The following NAALADL2 variants were observed in gnomAD, a reference collection of about 807,000 sequenced individuals.
NAALADL2 encodes the protein inactive N-acetylated-alpha-linked acidic dipeptidase-like protein 2.
A neutral mutation model predicts 87.2 loss-of-function variants in NAALADL2; 76 were observed. The ratio of observed to expected loss-of-function variants is 0.87; its 90% confidence interval spans 0.72 to 1.05. NAALADL2 has a LOEUF of 1.05. Ranked by LOEUF, NAALADL2 falls within the 50% of genes least tolerant of loss-of-function variation. The probability of loss-of-function intolerance (pLI) is 0.00; values close to 1 mark genes in which losing one functional copy is unlikely to be tolerated. For missense variants in NAALADL2, 1,089 were observed against 945.8 expected, an observed-to-expected ratio of 1.15 and a Z score of -1.99; for synonymous variants, 354 against 331.0, an observed-to-expected ratio of 1.07 and a Z score of -0.75.
At chr3:174,486,642 A>AT (rs1717877489) in intron 1 of NAALADL2, among the ~76,000 whole-genome samples, 1 of 151,790 alleles carries the variant, frequency 6.6e-6, no homozygotes, top group African/African-American at 2.4e-5. Flanking sequence ...GGAGTTGTTG[A>AT]TTTTTCAGTT....
intron 1 of NAALADL2, among the ~76,000 whole-genome samples, chr3:174,897,534 G>A (rs1031935485): frequency 2.0e-5 from 3 of 152,168 alleles, no homozygotes; most frequent in Non-Finnish European, 2.9e-5. Context: ...TGGCAAGGAT[G>A]TGGAGAAACA....
intron 13 of NAALADL2, among the ~76,000 whole-genome samples, chr3:175,801,232 T>C (rs1019102888): frequency 1.3e-5 from 2 of 152,274 alleles, no homozygotes; most frequent in South Asian, 2.1e-4. Flanking sequence ...AGGCTCTACA[T>C]TACAACCAAC....
intron 3 of NAALADL2, among the ~76,000 whole-genome samples, chr3:174,763,141 TA>T (rs11391398): frequency 1.0e-4 from 15 of 148,466 alleles, no homozygotes; most frequent in Non-Finnish European, 1.6e-4. Flanking sequence ...CTTATTTTAC[TA>T]AAAAAAAAAG....
intron 2 of NAALADL2, among the ~76,000 whole-genome samples, chr3:175,123,834 C>G (rs1580573826): frequency 1.3e-5 from 2 of 151,972 alleles, no homozygotes; most frequent in East Asian, 3.9e-4. Flanking sequence ...AGCACTTAAG[C>G]ATTCTTGATT....
chr3:175,536,072 G>A (rs1162054453), intron 9 of NAALADL2, among the ~76,000 whole-genome samples: 2 of 152,076 alleles, frequency 1.3e-5, no homozygotes, highest in African/African-American at 4.8e-5. Context: ...TCTGCACATG[G>A]GCTTTCAAAC....
At chr3:175,203,204 G>A (rs990190674) in intron 2 of NAALADL2, among the ~76,000 whole-genome samples, 1 of 152,100 alleles carries the variant, frequency 6.6e-6, no homozygotes, top group Admixed American at 6.6e-5. Flanking sequence ...ACTTCTCCCT[G>A]TGGTGTTTCC....
chr3:175,097,384 G>A (rs1198169245), intron 2 of NAALADL2, 93 bp downstream of exon 2: 40 of 1,168,394 alleles, frequency 3.4e-5, no homozygotes, highest in African/African-American at 4.6e-5. Flanking sequence ...CATGGTTCAC[G>A]TCAGTGTTGC....
chr3:175,139,694 G>A (rs958988705), intron 2 of NAALADL2, among the ~76,000 whole-genome samples: 1 of 151,260 alleles, frequency 6.6e-6, no homozygotes, highest in Non-Finnish European at 1.5e-5. Context: ...GAAACAAAGA[G>A]TAGGTGATTA....
chr3:175,222,780 A>G (rs1451122454), intron 2 of NAALADL2, among the ~76,000 whole-genome samples: 1 of 152,204 alleles, frequency 6.6e-6, no homozygotes, highest in East Asian at 1.9e-4. Flanking sequence ...TAAAAAATAA[A>G]AATTCCATTA....
rs1560618690 is a variant in NAALADL2, at chr3:175,478,195, T to C, written c.1653+6437T>C. ...TTATTTACCATGAATTGCAATTCTTTTCTGGGGGTACTCCTTAATTTATCT... is the reference window on the plus strand; with the variant it reads ...TTATTTACCATGAATTGCAATTCTTCTCTGGGGGTACTCCTTAATTTATCT... On this transcript the variant is annotated intron_variant, in intron 9 of 13. Transcript: ENST00000454872. Among the ~76,000 whole-genome samples, 4 of 151,994 alleles carry C rather than the reference T, an allele frequency of 2.6e-5. No individual in the cohort carries two copies. In the South Asian group the frequency reaches 6.2e-4, roughly 24 times the overall value.
intron 2 of NAALADL2, among the ~76,000 whole-genome samples, chr3:175,174,288 A>G (rs74948700): frequency 1.1e-3 from 175 of 152,272 alleles, no homozygotes; most frequent in Admixed American, 4.2e-3. Flanking sequence ...TCATTACCAT[A>G]TACATTGCCA....
intron 5 of NAALADL2, among the ~76,000 whole-genome samples, chr3:175,366,770 G>A (rs1765642173): frequency 6.6e-6 from 1 of 150,930 alleles, no homozygotes; most frequent in African/African-American, 2.4e-5. Flanking sequence ...CCCTTTGTCA[G>A]ATGAGTAGGT....
intron 1 of NAALADL2, among the ~76,000 whole-genome samples, chr3:174,477,962 G>T (rs1022653744): frequency 6.6e-6 from 1 of 152,138 alleles, no homozygotes; most frequent in African/African-American, 2.4e-5. Flanking sequence ...AAAAGTCATT[G>T]GTTGTATCCA....
At chr3:174,467,092 T>A (rs1188382288) in intron 1 of NAALADL2, among the ~76,000 whole-genome samples, 1 of 152,192 alleles carries the variant, frequency 6.6e-6, no homozygotes, top group Non-Finnish European at 1.5e-5. Context: ...CTCTGTATTT[T>A]CCAAACACTG....
chr3:174,556,432 A>G (rs1712829642), intron 2 of NAALADL2, among the ~76,000 whole-genome samples: 1 of 151,828 alleles, frequency 6.6e-6, no homozygotes, highest in Admixed American at 6.6e-5. Flanking sequence ...ATATCATCAG[A>G]AAAAGAGGTA....
chr3:174,450,022 C>CACACACACACACACAT (rs1715369949), intron 1 of NAALADL2, among the ~76,000 whole-genome samples: 1 of 61,720 alleles, frequency 1.6e-5, no homozygotes. Context: ...CACATACATA[C>CACACACACACACACAT]ACACACACAC....
chr3:175,094,442 A>G (rs971227024), intron 1 of NAALADL2, among the ~76,000 whole-genome samples: 2 of 151,962 alleles, frequency 1.3e-5, no homozygotes, highest in African/African-American at 2.4e-5. Context: ...CTTTTGACAG[A>G]TTCTTTAAAC....
intron 5 of NAALADL2, among the ~76,000 whole-genome samples, chr3:175,420,685 TA>T (rs1184703229): frequency 2.6e-5 from 4 of 152,066 alleles, no homozygotes; most frequent in Non-Finnish European, 5.9e-5. Flanking sequence ...AAAAGCATTA[TA>T]AAGTTGAACA....
intron 1 of NAALADL2, among the ~76,000 whole-genome samples, chr3:175,041,740 A>G (rs536106231): frequency 1.3e-5 from 2 of 152,284 alleles, no homozygotes; most frequent in African/African-American, 4.8e-5. Flanking sequence ...TGCACTGTGT[A>G]TATCTATACC....
Sources: gnomAD v4.1 joint callset for allele counts (sites outside exome capture counted in the v4.1 genomes callset) on GRCh38, gnomAD v4.1.1 for gene constraint, MANE v1.5 for transcripts, NCBI Gene and HGNC (gene_info 2026-07-23, HGNC 2026-07-21) for gene names.